TMEM132B: variants seen among roughly 807,000 people sequenced by gnomAD.
The protein encoded by TMEM132B is transmembrane protein 132B.
In TMEM132B, 18 loss-of-function variants were observed where a neutral mutation model predicts 90.8. The observed-to-expected ratio is 0.20, with a 90% confidence interval of 0.14 to 0.29. TMEM132B has a LOEUF of 0.29. Among genes scored for constraint, TMEM132B ranks in the 10% least tolerant of loss-of-function variants. The probability of loss-of-function intolerance (pLI) is 1.00; values close to 1 mark genes in which losing one functional copy is unlikely to be tolerated. For missense variants in TMEM132B, 1,096 were observed against 1,326.8 expected, an observed-to-expected ratio of 0.83 and a Z score of 2.70; for synonymous variants, 504 against 523.3, an observed-to-expected ratio of 0.96 and a Z score of 0.50.
At position 125,654,777 on chromosome 12, in the gene TMEM132B, G is replaced by C; in HGVS notation, c.*67G>C. On this transcript the variant is annotated 3_prime_UTR_variant, in exon 9 of 9. Coordinates refer to ENST00000682704, the MANE Select transcript of TMEM132B (RefSeq NM_001366854.1). This position sits in a 1 kb window ranked among gnomAD's most constrained non-coding sequence, Gnocchi z 5.8. ...TTTTGAATGCTGGAGCAGTGAGTTT[G>C]ATCAGCAATAGGGGATGATTTAACA... The C allele has an allele frequency of 6.6e-7, 1 of 1,524,320 alleles. No individual in the cohort carries two copies. Among genetic ancestry groups the C allele is most frequent in the Non-Finnish European group, 8.9e-7 (1 of 1,123,486 alleles). The allele number at this position is 1,524,320 out of a possible 1,614,324, so 94.4% of individuals were successfully genotyped here.
chr12:125,363,495 A>G (rs325098), intron 2 of TMEM132B, among the ~76,000 whole-genome samples: 4,670 of 152,182 alleles, frequency 0.031, 245 homozygotes, highest in African/African-American at 0.11. Context: ...ATTTAACCCT[A>G]TGAGATAGAG....
intron 3 of TMEM132B, among the ~76,000 whole-genome samples, chr12:125,435,969 G>A (rs529299913): frequency 6.6e-6 from 1 of 152,186 alleles, no homozygotes; most frequent in Admixed American, 6.5e-5. Flanking sequence ...CCTGCCCCTC[G>A]GTGCCCCACA....
In TMEM132B at chr12:125,407,917, G is replaced by A. The variant is rs1879551832; in HGVS notation, c.960-7614G>A. On this transcript the variant is annotated intron_variant, in intron 2 of 8. Transcript: ENST00000682704. This position sits in a 1 kb window ranked among gnomAD's most constrained non-coding sequence, Gnocchi z 6.7. Reference sequence around the variant, plus strand: ...ATTGAACTGTAACCTACATGCAGAAGAGTCCACATAAGCGAGCACAGACTG... The same window carrying A: ...ATTGAACTGTAACCTACATGCAGAAAAGTCCACATAAGCGAGCACAGACTG... Among the ~76,000 whole-genome samples the A allele has an allele frequency of 1.3e-5, 2 of 152,224 alleles. No homozygotes were observed. Among genetic ancestry groups the A allele is most frequent in the African/African-American group, 4.8e-5 (2 of 41,464 alleles).
At chr12:125,203,582 AT>A (rs545031970) in intron 1 of TMEM132B, among the ~76,000 whole-genome samples, 6 of 152,052 alleles carry the variant, frequency 3.9e-5, no homozygotes, top group Non-Finnish European at 7.4e-5. Context: ...GGATTTTATA[AT>A]TTTTTTTCTA....
chr12:125,449,090 C>T (rs1881082942), intron 3 of TMEM132B, among the ~76,000 whole-genome samples: 1 of 151,782 alleles, frequency 6.6e-6, no homozygotes, highest in African/African-American at 2.4e-5. Flanking sequence ...CCTCAGCCTC[C>T]TGAGTAGCTG....
At chr12:125,481,894 C>T (rs1228536410) in intron 3 of TMEM132B, among the ~76,000 whole-genome samples, 2 of 152,128 alleles carry the variant, frequency 1.3e-5, no homozygotes, top group Non-Finnish European at 2.9e-5. Context: ...GATACTAGTA[C>T]CAAAACAGAG....
At chr12:125,516,655 C>G (rs530726897) in intron 3 of TMEM132B, among the ~76,000 whole-genome samples, 6 of 152,330 alleles carry the variant, frequency 3.9e-5, no homozygotes, top group African/African-American at 1.4e-4. Context: ...GGCCACTTCT[C>G]TTTCTTTACC....
At chr12:125,652,322 C>A in intron 7 of TMEM132B, 119 bp from the exon 8 acceptor site, 1 of 894,222 alleles carries the variant, frequency 1.1e-6, no homozygotes, top group Non-Finnish European at 1.7e-6. Flanking sequence ...CTAACCGATT[C>A]CCACAAATGC....
At chr12:125,563,275 T>A (rs1166273338) in intron 4 of TMEM132B, among the ~76,000 whole-genome samples, 3 of 152,058 alleles carry the variant, frequency 2.0e-5, no homozygotes, top group Non-Finnish European at 4.4e-5. Context: ...CTAATAGACT[T>A]GCTCGATGAA....
chr12:125,496,746 C>G (rs1172093343), intron 3 of TMEM132B, among the ~76,000 whole-genome samples: 1 of 152,186 alleles, frequency 6.6e-6, no homozygotes, highest in Non-Finnish European at 1.5e-5. Flanking sequence ...TTACCTCCTG[C>G]TAGTTCAGAA....
chr12:125,516,027 T>A lies in TMEM132B; in HGVS notation c.1107-3412T>A, dbSNP rs1048869635. ...CAGACTCCTATGCACTCCCACACAC[T>A]CTCACACCCCCACATTCACGCATTC... On this transcript the variant is annotated intron_variant, in intron 3 of 8. Coordinates refer to ENST00000682704, the MANE Select transcript of TMEM132B (RefSeq NM_001366854.1). 2.6e-5 allele frequency among the ~76,000 whole-genome samples: 4 copies of A among 151,492 alleles called. No individual in the cohort carries two copies. The South Asian group carries it at 8.4e-4, about 32-fold the overall frequency.
At chr12:125,638,258 G>A (rs1433505198) in intron 5 of TMEM132B, among the ~76,000 whole-genome samples, 1 of 152,166 alleles carries the variant, frequency 6.6e-6, no homozygotes, top group African/African-American at 2.4e-5. Context: ...AGACAAAAAT[G>A]TAATGTACAG....
chr12:125,276,365 G>C (rs925849054), intron 1 of TMEM132B, among the ~76,000 whole-genome samples: 2 of 152,200 alleles, frequency 1.3e-5, no homozygotes, highest in Admixed American at 1.3e-4. Context: ...CTGTGGGTCT[G>C]ATCACAGTGA....
intron 3 of TMEM132B, among the ~76,000 whole-genome samples, chr12:125,457,291 G>A (rs1352580387): frequency 6.6e-6 from 1 of 152,164 alleles, no homozygotes; most frequent in East Asian, 1.9e-4. Flanking sequence ...ATTTTGCTTA[G>A]TTTGAGGATT....
chr12:125,611,683 G>A (rs960921369), intron 5 of TMEM132B, among the ~76,000 whole-genome samples: 1 of 151,816 alleles, frequency 6.6e-6, no homozygotes, highest in African/African-American at 2.4e-5. Flanking sequence ...ATTTAGTAGT[G>A]TATTAATTTC....
chr12:125,591,514 A>G (rs1885318060), intron 5 of TMEM132B, among the ~76,000 whole-genome samples: 1 of 152,210 alleles, frequency 6.6e-6, no homozygotes, highest in Non-Finnish European at 1.5e-5. Flanking sequence ...AATCCATATC[A>G]AGATCCTTAA....
intron 5 of TMEM132B, among the ~76,000 whole-genome samples, chr12:125,589,116 G>A (rs1372518833): frequency 1.3e-5 from 2 of 152,070 alleles, no homozygotes; most frequent in African/African-American, 2.4e-5. Context: ...CCAAAATATT[G>A]TTTGGATATT....
intron 5 of TMEM132B, among the ~76,000 whole-genome samples, chr12:125,643,328 C>G (rs916253554): frequency 1.3e-5 from 2 of 152,212 alleles, no homozygotes; most frequent in African/African-American, 4.8e-5. Flanking sequence ...TCTTTCTTCT[C>G]TCTACCTAGT....
intron 5 of TMEM132B, among the ~76,000 whole-genome samples, chr12:125,639,024 A>G (rs766715375): frequency 4.6e-5 from 7 of 152,300 alleles, no homozygotes; most frequent in Non-Finnish European, 7.4e-5. Flanking sequence ...CTCTTCTTAT[A>G]TTAGGATTGA....
Sources: gnomAD v4.1 joint callset for allele counts (sites outside exome capture counted in the v4.1 genomes callset) on GRCh38, gnomAD v4.1.1 for gene constraint, Gnocchi (gnomAD v3.1) non-coding constraint, MANE v1.5 for transcripts, NCBI Gene and HGNC (gene_info 2026-07-23, HGNC 2026-07-21) for gene names.